MAP3K10: variants seen among roughly 807,000 people sequenced by gnomAD.
MAP3K10 encodes the protein mitogen-activated protein kinase kinase kinase 10, also known as MKN28 derived nonreceptor_type serine/threonine kinase.
MAP3K10 carries 22 observed loss-of-function variants against 75.0 expected under a neutral mutation model. The observed-to-expected ratio is 0.29, with a 90% CI of 0.21 to 0.42. The LOEUF (loss-of-function observed/expected upper bound fraction) is 0.42, where lower values mean the gene tolerates loss of function less well. MAP3K10 is among the 10% of genes least tolerant of loss of function. MAP3K10 has a pLI of 1.00. For synonymous variants in MAP3K10, 599 were observed against 612.9 expected (o/e 0.98, Z 0.34); for missense variants, 1,165 against 1,379.8 (o/e 0.84, Z 2.47).
rs1255342569 is a variant in MAP3K10 at position 40,212,828 on chromosome 19, A to G, written c.1576A>G (p.Ser526Gly). ...AGTGACTCCCGTGGACTGTGGTGGC[A>G]GCAGCAGTGGCAGCAGCAGTGGAGG... Reference protein sequence around the residue: ...IRLTPVDCGGSSSGSSSGGSG... With the variant: ...IRLTPVDCGGGSSGSSSGGSG... Residue 526 changes from serine to glycine, a missense_variant, in exon 7 of 10, where the codon AGC becomes GGC. Ser to Gly is a moderately conservative substitution (Grantham distance 56, BLOSUM62 0). Around this residue, in one of 2 missense-constraint regions of MAP3K10, gnomAD observed 575 missense variants for 793.2 expected, o/e 0.72. Coordinates refer to ENST00000253055, the MANE Select transcript of MAP3K10 (RefSeq NM_002446.4). The surrounding 1 kb of genome is among the most constrained non-coding windows in gnomAD (Gnocchi z 4.2). 6 of 1,598,172 alleles carry G rather than the reference A, an allele frequency of 3.8e-6. No individual in the cohort carries two copies. In the South Asian group the frequency reaches 6.7e-5, roughly 18 times the overall value.
At position 40,209,193 on chromosome 19, in the gene MAP3K10, T is replaced by G. The variant is rs768774804; in HGVS notation, c.1526T>G (p.Ile509Ser). The G allele has an allele frequency of 1.9e-6, 3 of 1,614,164 alleles. No homozygotes were observed. In the South Asian group the frequency reaches 3.3e-5, roughly 18 times the overall value. ...GCCAGCCCCCCTGCAAGCCCCAGCA[T>G]CATCCCCCGGCTGAGGGCCATTCGC... is the stretch of plus-strand genomic sequence containing the variant. The part of the protein sequence containing the change: ...DGASPPASPS[I>S]IPRLRAIRLT... Residue 509 changes from isoleucine (I) to serine (S), a missense_variant, in exon 6 of 10, where the codon ATC becomes AGC. Physicochemically the swap from Ile to Ser is moderately radical, Grantham distance 142. This residue lies in a region of MAP3K10 where 575 missense variants were observed against 793.2 expected (regional missense o/e 0.72). Coordinates refer to ENST00000253055, the MANE Select transcript of MAP3K10 (RefSeq NM_002446.4).
At position 40,198,841 on chromosome 19, in the gene MAP3K10, G is replaced by A. The variant is rs1972965556; in HGVS notation, c.863+286G>A. On this transcript the variant is annotated intron_variant, in intron 2 of 9. Coordinates refer to ENST00000253055, the MANE Select transcript of MAP3K10 (RefSeq NM_002446.4). This position sits in a 1 kb window ranked among gnomAD's most constrained non-coding sequence, Gnocchi z 4.3. ...CCAGCACTTTGGGAGGCCGAGGTGG[G>A]CGGATCACTTGAGGTCAGGAGTTTG... Among the ~76,000 whole-genome samples, 1 of 152,272 alleles carries A rather than the reference G, an allele frequency of 6.6e-6. No homozygotes were observed. Among genetic ancestry groups the A allele is most frequent in the Non-Finnish European group, 1.5e-5 (1 of 68,050 alleles).
chr19:40,204,507 C>A lies in MAP3K10; in HGVS notation c.886C>A (p.Leu296Met). The part of the protein sequence containing the change: ...VWSFGVLLWE[L>M]LTGEVPYREI... ...CAGCTTCGGGGTGCTGCTGTGGGAG[C>A]TGCTGACGGGGGAGGTCCCCTACCG... The change falls in exon 3 of 10, where the codon CTG becomes ATG. Residue 296 changes from leucine (L) to methionine (M), a missense_variant. By Grantham distance (15) the Leu-to-Met change is conservative. Transcript: ENST00000253055. The surrounding 1 kb of genome is among the most constrained non-coding windows in gnomAD (Gnocchi z 4.3). 6.2e-7 allele frequency: 1 copy of A among 1,613,658 alleles called. No homozygotes were observed. Among genetic ancestry groups the A allele is most frequent in the Non-Finnish European group, 8.5e-7 (1 of 1,179,882 alleles).
At position 40,215,482 on chromosome 19, in the gene MAP3K10, G is replaced by A; in HGVS notation, c.*190G>A. ...GGGGGTGGAGCCCTGTGCCCACCCTGCACTGGGGGGAGGGTGGGCAGGGAT... is the reference window on the plus strand; with the variant it reads ...GGGGGTGGAGCCCTGTGCCCACCCTACACTGGGGGGAGGGTGGGCAGGGAT... On this transcript the variant is annotated 3_prime_UTR_variant, in exon 10 of 10. Transcript: ENST00000253055. 1 of 605,502 alleles carries A rather than the reference G, an allele frequency of 1.7e-6. No homozygotes were observed. The highest frequency in any genetic ancestry group is 2.8e-5 in the East Asian group (1 of 36,010). The allele number at this position is 605,502 out of a possible 1,614,324, so 37.5% of individuals were successfully genotyped here. A position where few individuals can be genotyped will look rare whatever the true frequency, so the allele number is the denominator to read the frequency against.
rs1214024625 is a variant in MAP3K10, at chr19:40,198,790, G to A, written c.863+235G>A. Reference sequence around the variant, plus strand: ...GCTCATAGGATCTAGAGACAAGGCCGGGCGCGGGGGCGCACACCTGTAATC... The same window carrying A: ...GCTCATAGGATCTAGAGACAAGGCCAGGCGCGGGGGCGCACACCTGTAATC... On this transcript the variant is annotated intron_variant, in intron 2 of 9. Coordinates refer to ENST00000253055, the MANE Select transcript of MAP3K10 (RefSeq NM_002446.4). This position sits in a 1 kb window ranked among gnomAD's most constrained non-coding sequence, Gnocchi z 4.3. 2.0e-5 allele frequency among the ~76,000 whole-genome samples: 3 copies of A among 152,226 alleles called. No homozygotes were observed. Among genetic ancestry groups the A allele is most frequent in the African/African-American group, 7.2e-5 (3 of 41,464 alleles).
chr19:40,208,532 G>T (rs1333965287), intron 5 of MAP3K10, among the ~76,000 whole-genome samples: 1 of 149,232 alleles, frequency 6.7e-6, no homozygotes, highest in Admixed American at 6.7e-5. Flanking sequence ...TCAAATTGCG[G>T]TAATTACAAT....
In MAP3K10 at chr19:40,215,398, C is replaced by T. The variant is rs1973336100; in HGVS notation, c.*106C>T. 2.9e-6 allele frequency: 3 copies of T among 1,041,520 alleles called. No individual in the cohort carries two copies. Among genetic ancestry groups the T allele is most frequent in the African/African-American group, 1.6e-5 (1 of 62,034 alleles). 64.5% of individuals were successfully genotyped at this position (1,041,520 alleles called of 1,614,324 possible). On this transcript the variant is annotated 3_prime_UTR_variant, in exon 10 of 10. Transcript: ENST00000253055. ...GGGGAGGCCCTGGGCAGGATGTTCA[C>T]TCTATTTATTGGGGAAGGAGGGAGG...
At position 40,205,975 on chromosome 19, in the gene MAP3K10, A is replaced by G. The variant is rs779474272; in HGVS notation, c.1253A>G (p.Gln418Arg). The G allele has an allele frequency of 1.2e-6, 2 of 1,609,996 alleles. No individual in the cohort carries two copies. The highest frequency in any genetic ancestry group is 1.1e-5 in the South Asian group (1 of 90,436). Reference protein sequence around the residue: ...AAQEQRFQEEQLRRREQELAE... With the variant: ...AAQEQRFQEERLRRREQELAE... ...CAGGAGCAGCGCTTCCAGGAGGAGC[A>G]GCTGCGGCGGCGGGAGCAGGAGCTG... Residue 418 changes from glutamine to arginine, a missense_variant, in exon 5 of 10, where the codon CAG becomes CGG. This residue lies in a region of MAP3K10 where 575 missense variants were observed against 793.2 expected (regional missense o/e 0.72). Coordinates refer to ENST00000253055, the MANE Select transcript of MAP3K10 (RefSeq NM_002446.4). This position sits in a 1 kb window ranked among gnomAD's most constrained non-coding sequence, Gnocchi z 4.3.
chr19:40,212,656 G>A lies in MAP3K10; in HGVS notation c.1553-149G>A. ...TGACAGCAGTAGGGGGCTATGGGGA[G>A]ATATATAGCAGGGAGGGTCATGACT... On this transcript the variant is annotated intron_variant, in intron 6 of 9. Coordinates refer to ENST00000253055, the MANE Select transcript of MAP3K10 (RefSeq NM_002446.4). This position sits in a 1 kb window ranked among gnomAD's most constrained non-coding sequence, Gnocchi z 4.2. 1.1e-6 allele frequency: 1 copy of A among 944,676 alleles called. No individual in the cohort carries two copies. The highest frequency in any genetic ancestry group is 1.6e-6 in the Non-Finnish European group (1 of 639,328). The allele number at this position is 944,676 out of a possible 1,614,324, so 58.5% of individuals were successfully genotyped here. A position where few individuals can be genotyped will look rare whatever the true frequency, so the allele number is the denominator to read the frequency against.
chr19:40,191,855 C>T lies in MAP3K10; in HGVS notation c.-177C>T. 4.4e-6 allele frequency: 1 copy of T among 228,026 alleles called. No individual in the cohort carries two copies. The highest frequency in any genetic ancestry group is 8.3e-6 in the Non-Finnish European group (1 of 120,256). 14.1% of individuals were successfully genotyped at this position (228,026 alleles called of 1,614,324 possible). On this transcript the variant is annotated 5_prime_UTR_variant, in exon 1 of 10. Coordinates refer to ENST00000253055, the MANE Select transcript of MAP3K10 (RefSeq NM_002446.4). ...GTACAGCCAAATCGGAAGGGACGAG[C>T]CTGCCCTTTGAAAGGGTTTTTTTTC...
At position 40,191,905 on chromosome 19, in the gene MAP3K10, C is replaced by T; in HGVS notation, c.-127C>T. 1.9e-6 allele frequency: 1 copy of T among 521,906 alleles called. No individual in the cohort carries two copies. Among genetic ancestry groups the T allele is most frequent in the African/African-American group, 2.0e-5 (1 of 49,662 alleles). The allele number at this position is 521,906 out of a possible 1,614,324, so 32.3% of individuals were successfully genotyped here. ...CTTGCTCCTGCGGAGGGCGCCCCAG[C>T]CATGGCCCTCAGGAGCTCCCTAGAC... On this transcript the variant is annotated 5_prime_UTR_variant, in exon 1 of 10. Transcript: ENST00000253055.
In MAP3K10 at chr19:40,215,427, G is replaced by A. The variant is rs1973337486; in HGVS notation, c.*135G>A. ...ATTTATTGGGGAAGGAGGGAGGGGG[G>A]GGACACTTAACTTATTCCTTTGTAC... On this transcript the variant is annotated 3_prime_UTR_variant, in exon 10 of 10. Transcript: ENST00000253055. 8 of 827,306 alleles carry A rather than the reference G, an allele frequency of 9.7e-6. No homozygotes were observed. Among genetic ancestry groups the A allele is most frequent in the Admixed American group, 2.8e-5 (1 of 35,690 alleles). The allele number at this position is 827,306 out of a possible 1,614,324, so 51.2% of individuals were successfully genotyped here. A position where few individuals can be genotyped will look rare whatever the true frequency, so the allele number is the denominator to read the frequency against.
intron 1 of MAP3K10, among the ~76,000 whole-genome samples, chr19:40,195,464 G>A (rs919204233): frequency 3.2e-5 from 4 of 125,574 alleles, no homozygotes; most frequent in Non-Finnish European, 5.0e-5. Context: ...ACTGAAGCCC[G>A]CCCGGCCTTT....
Position 40,198,321 on chromosome 19 carries a change from T to G in MAP3K10, c.683-54T>G. On this transcript the variant is annotated intron_variant, in intron 1 of 9. Transcript: ENST00000253055. The surrounding 1 kb of genome is among the most constrained non-coding windows in gnomAD (Gnocchi z 4.3). ...AGCTGAGGCAGCGGGCCAGAACACT[T>G]GGGTCTGCGGCGTGGCAGGTCTGGG... is the stretch of plus-strand genomic sequence containing the variant. 6.5e-7 allele frequency: 1 copy of G among 1,537,976 alleles called. No individual in the cohort carries two copies. Among genetic ancestry groups the G allele is most frequent in the East Asian group, 2.3e-5 (1 of 43,854 alleles).
At chr19:40,206,825 G>A (rs1423423366) in intron 5 of MAP3K10, among the ~76,000 whole-genome samples, 2 of 152,288 alleles carry the variant, frequency 1.3e-5, no homozygotes, top group Middle Eastern at 6.8e-3. Flanking sequence ...CAGGTGCAGT[G>A]GCTCACGCCT....
chr19:40,213,224 C>T lies in MAP3K10; in HGVS notation c.1837+36C>T, dbSNP rs1427105816. ...GGGTTCTTGTAAGGGGGTGGGGGTT[C>T]CCTGGCCAAAGGGGTGAGCCTCCTG... is the stretch of plus-strand genomic sequence containing the variant. On this transcript the variant is annotated intron_variant, in intron 8 of 9. Transcript: ENST00000253055. The surrounding 1 kb of genome is among the most constrained non-coding windows in gnomAD (Gnocchi z 5.7). 1 of 1,526,522 alleles carries T rather than the reference C, an allele frequency of 6.6e-7. No homozygotes were observed. Among genetic ancestry groups the T allele is most frequent in the Non-Finnish European group, 8.8e-7 (1 of 1,135,166 alleles). 94.6% of individuals were successfully genotyped at this position (1,526,522 alleles called of 1,614,324 possible).
chr19:40,209,218 C>T lies in MAP3K10; in HGVS notation c.1551C>T (p.Arg517=). Residue 517 remains arginine (R), a splice_region_variant and synonymous_variant, in exon 6 of 10, where the codon CGC becomes CGT. Transcript: ENST00000253055. ...PSIIPRLRAI[R]LTPVDCGGSS... ...TCATCCCCCGGCTGAGGGCCATTCG[C>T]CGTGAGTATCTCCCAAGGCCCTGAC... The T allele has an allele frequency of 6.2e-7, 1 of 1,613,146 alleles. No homozygotes were observed. Among genetic ancestry groups the T allele is most frequent in the Non-Finnish European group, 8.5e-7 (1 of 1,179,186 alleles).
At chr19:40,199,970 C>T (rs1972987038) in intron 2 of MAP3K10, among the ~76,000 whole-genome samples, 1 of 151,756 alleles carries the variant, frequency 6.6e-6, no homozygotes, top group Admixed American at 6.6e-5. Flanking sequence ...ACCAGCCTGG[C>T]CAACATGGTG....
chr19:40,214,306 C>T, intron 9 of MAP3K10, 85 bp downstream of exon 9: 1 of 1,329,430 alleles, frequency 7.5e-7, no homozygotes, highest in Non-Finnish European at 9.7e-7. Context: ...CAGCCACGAC[C>T]CCTCAGGCAG....
Sources: gnomAD v4.1 joint callset for allele counts (sites outside exome capture counted in the v4.1 genomes callset) on GRCh38, gnomAD v4.1.1 for gene constraint, gnomAD v4.1.1 regional missense constraint, Gnocchi (gnomAD v3.1) non-coding constraint, MANE v1.5 for transcripts, NCBI Gene and HGNC (gene_info 2026-07-23, HGNC 2026-07-21) for gene names.